MYO9A: variants seen among roughly 807,000 people sequenced by gnomAD.
MYO9A encodes unconventional myosin-IXa.
A neutral mutation model predicts 293.3 loss-of-function variants in MYO9A; 103 were observed. The observed-to-expected ratio is 0.35, with a 90% CI of 0.30 to 0.41. MYO9A has a LOEUF of 0.41. MYO9A is among the 10% of genes least tolerant of loss of function. MYO9A has a pLI of 1.00. For synonymous variants in MYO9A, 1,001 were observed against 1,035.7 expected, an observed-to-expected ratio of 0.97 and a Z score of 0.64; for missense variants, 2,685 against 3,033.0, an observed-to-expected ratio of 0.89 and a Z score of 2.69.
chr15:72,087,104 G>A (rs1452105747), intron 1 of MYO9A, among the ~76,000 whole-genome samples: 1 of 152,192 alleles, frequency 6.6e-6, no homozygotes, highest in Non-Finnish European at 1.5e-5. Flanking sequence ...CCATTCAAGT[G>A]TGGTCAGGTC....
In MYO9A at chr15:71,825,599, A is replaced by ATTAT; in HGVS notation, c.*977_*980dup. The ATTAT allele has an allele frequency of 6.6e-6, 1 of 151,462 alleles. No homozygotes were observed. Among genetic ancestry groups the ATTAT allele is most frequent in the East Asian group, 1.9e-4 (1 of 5,190 alleles). The allele number at this position is 151,462 out of a possible 1,614,324, so 9.4% of individuals were successfully genotyped here. A position where few individuals can be genotyped will look rare whatever the true frequency, so the allele number is the denominator to read the frequency against. On this transcript the variant is annotated 3_prime_UTR_variant, in exon 42 of 42. Transcript: ENST00000356056. Reference sequence around the variant, plus strand: ...TTTTGGAAACTAACTAAACGGTCACATTATTTGTTTGTTTGTTTGAGTCTG... The same window carrying ATTAT: ...TTTTGGAAACTAACTAAACGGTCACATTATTTATTTGTTTGTTTGTTTGAGTCTG...
intron 14 of MYO9A, among the ~76,000 whole-genome samples, chr15:71,954,775 A>G (rs1757474889): frequency 6.6e-6 from 1 of 152,192 alleles, no homozygotes; most frequent in South Asian, 2.1e-4. Flanking sequence ...TTAGTGACAG[A>G]AAAGTTCCAT....
intron 2 of MYO9A, among the ~76,000 whole-genome samples, chr15:72,033,582 A>G (rs1272119528): frequency 2.0e-5 from 3 of 152,238 alleles, no homozygotes; most frequent in African/African-American, 7.2e-5. Context: ...ATGAAATTCT[A>G]GAAAAGGCAA....
intron 13 of MYO9A, among the ~76,000 whole-genome samples, chr15:71,966,306 G>GTA (rs745781909): frequency 4.0e-5 from 6 of 149,372 alleles, no homozygotes; most frequent in Non-Finnish European, 6.0e-5. Context: ...GTGTGTGTGT[G>GTA]TATGATTCTA....
rs1284333452 is a variant in MYO9A at position 71,822,967 on chromosome 15, A to C, written c.*3613T>G. 6.6e-6 allele frequency: 1 copy of C among 152,166 alleles called. No homozygotes were observed. The highest frequency in any genetic ancestry group is 6.5e-5 in the Admixed American group (1 of 15,278). 9.4% of individuals were successfully genotyped at this position (152,166 alleles called of 1,614,324 possible). On this transcript the variant is annotated 3_prime_UTR_variant, in exon 42 of 42. Transcript: ENST00000356056. ...GAAAAAGAGGACTCTCACAGATACC[A>C]AGGAGTTTTACTACCAAGGCCAGCA...
intron 18 of MYO9A, among the ~76,000 whole-genome samples, chr15:71,922,432 AT>A (rs1287387999): frequency 4.6e-5 from 7 of 152,256 alleles, no homozygotes; most frequent in Admixed American, 3.9e-4. Context: ...GCTAAATAAA[AT>A]ATCTCACATA....
At chr15:72,108,580 G>A (rs1038301388) in intron 1 of MYO9A, among the ~76,000 whole-genome samples, 1 of 152,078 alleles carries the variant, frequency 6.6e-6, no homozygotes, top group Non-Finnish European at 1.5e-5. Context: ...AACTAAAAGT[G>A]AGTTCTCTTT....
chr15:71,978,791 A>T (rs909106169), intron 11 of MYO9A, among the ~76,000 whole-genome samples: 14 of 124,108 alleles, frequency 1.1e-4, no homozygotes, highest in African/African-American at 3.3e-4. Context: ...TTTTTTTTTT[A>T]AAGAAAAGGT....
chr15:72,097,882 C>T (rs1284571899), intron 1 of MYO9A, among the ~76,000 whole-genome samples: 1 of 152,028 alleles, frequency 6.6e-6, no homozygotes, highest in Admixed American at 6.6e-5. Flanking sequence ...TTCACTCCAG[C>T]CTGGTGACAG....
At chr15:72,088,333 A>G (rs2079807164) in intron 1 of MYO9A, among the ~76,000 whole-genome samples, 1 of 152,180 alleles carries the variant, frequency 6.6e-6, no homozygotes, top group African/African-American at 2.4e-5. Flanking sequence ...ATTGCCCAAA[A>G]AGTGCAATGC....
chr15:71,973,742 G>A (rs978541062), intron 12 of MYO9A, among the ~76,000 whole-genome samples: 5 of 152,122 alleles, frequency 3.3e-5, no homozygotes, highest in East Asian at 1.9e-4. Context: ...ATCTACTTAC[G>A]AGGTTACAGT....
intron 39 of MYO9A, among the ~76,000 whole-genome samples, chr15:71,837,204 A>G (rs1211295625): frequency 6.6e-6 from 1 of 152,058 alleles, no homozygotes; most frequent in African/African-American, 2.4e-5. Flanking sequence ...GTGATAGGGT[A>G]AAGGCTGGAG....
intron 39 of MYO9A, among the ~76,000 whole-genome samples, chr15:71,834,018 G>A (rs189754402): frequency 6.6e-6 from 1 of 151,960 alleles, no homozygotes; most frequent in East Asian, 1.9e-4. Context: ...ATAAAGAAAA[G>A]AGCAAACAAA....
At chr15:72,113,288 G>A (rs1006273007) in intron 1 of MYO9A, among the ~76,000 whole-genome samples, 1 of 152,118 alleles carries the variant, frequency 6.6e-6, no homozygotes, top group Non-Finnish European at 1.5e-5. Flanking sequence ...AAATCTTCCT[G>A]AAGAATATAC....
chr15:71,833,718 C>CTAA (rs968237994), intron 39 of MYO9A, among the ~76,000 whole-genome samples: 11 of 151,874 alleles, frequency 7.2e-5, no homozygotes, highest in African/African-American at 2.7e-4. Flanking sequence ...AACAAGTTTT[C>CTAA]TAATAATGTA....
chr15:72,031,766 C>T (rs898519760), intron 3 of MYO9A, among the ~76,000 whole-genome samples: 1 of 151,216 alleles, frequency 6.6e-6, no homozygotes, highest in South Asian at 2.1e-4. Context: ...GAATATTGCT[C>T]ACACAACCAG....
At chr15:71,901,437 C>T (rs2057480729) in intron 22 of MYO9A, 97 bp from the exon 23 acceptor site, 3 of 1,233,474 alleles carry the variant, frequency 2.4e-6, no homozygotes, top group Non-Finnish European at 2.2e-6. Context: ...TAGAGAAGAA[C>T]AAACACAGTG....
At chr15:71,941,793 A>T (rs752072679) in intron 15 of MYO9A, among the ~76,000 whole-genome samples, 1 of 152,174 alleles carries the variant, frequency 6.6e-6, no homozygotes, top group Non-Finnish European at 1.5e-5. Context: ...CATATGAAGG[A>T]ATGACAATGG....
chr15:71,941,293 G>A (rs919134858), intron 15 of MYO9A, among the ~76,000 whole-genome samples: 1 of 152,202 alleles, frequency 6.6e-6, no homozygotes, highest in Admixed American at 6.5e-5. Context: ...AAATTAGCCC[G>A]GCATGGTGGC....
Sources: allele counts gnomAD v4.1 joint callset (sites outside exome capture counted in the v4.1 genomes callset), GRCh38; gene constraint gnomAD v4.1.1; transcripts MANE v1.5; gene names NCBI Gene and HGNC (gene_info 2026-07-23, HGNC 2026-07-21).